Variants in RPS6KC1 observed in about 807,000 individuals in gnomAD.
The protein encoded by RPS6KC1 is inactive ribosomal protein S6 kinase delta-1.
RPS6KC1 carries 54 observed loss-of-function variants against 103.8 expected under a neutral mutation model. The ratio of observed to expected loss-of-function variants is 0.52; its 90% CI spans 0.42 to 0.65. The LOEUF is 0.65. RPS6KC1 is among the 30% of genes least tolerant of loss of function. RPS6KC1 has a pLI of 0.00. For synonymous variants in RPS6KC1, 439 were observed against 438.7 expected (o/e 1.00, Z -0.01); for missense variants, 1,151 against 1,253.8 (o/e 0.92, Z 1.24).
intron 6 of RPS6KC1, among the ~76,000 whole-genome samples, chr1:213,149,746 A>T (rs917460337): frequency 6.6e-6 from 1 of 152,154 alleles, no homozygotes; most frequent in Non-Finnish European, 1.5e-5. Context: ...AAGTGGGGTG[A>T]AGTCTCCAGC....
At chr1:213,421,261 G>A in the RPS6KC1 span, among the ~76,000 whole-genome samples, 15 of 152,006 alleles carry the variant, frequency 9.9e-5, no homozygotes, top group South Asian at 2.1e-3. Context: ...ACAGGTGCGC[G>A]CCACCATGCC....
At chr1:213,516,122 A>G in the RPS6KC1 span, among the ~76,000 whole-genome samples, 1 of 152,056 alleles carries the variant, frequency 6.6e-6, no homozygotes, top group Non-Finnish European at 1.5e-5. Flanking sequence ...GCTTAAGGAG[A>G]TTTTGGGCTG....
the RPS6KC1 span, among the ~76,000 whole-genome samples, chr1:213,764,495 T>G: frequency 6.6e-6 from 1 of 152,178 alleles, no homozygotes; most frequent in Non-Finnish European, 1.5e-5. Context: ...ACAGGTGAGA[T>G]GAAGTTCAGA....
At chr1:213,070,855 T>TTATA in intron 1 of RPS6KC1, 151 bp from the exon 2 acceptor site, 1 of 532,372 alleles carries the variant, frequency 1.9e-6, no homozygotes, top group South Asian at 2.5e-5. Flanking sequence ...AGTGAAGTTA[T>TTATA]TATATAGCTG....
the RPS6KC1 span, among the ~76,000 whole-genome samples, chr1:213,583,159 C>A: frequency 1.3e-5 from 2 of 152,174 alleles, no homozygotes; most frequent in African/African-American, 4.8e-5. Flanking sequence ...ATTCATTCAC[C>A]TGCTGATGGA....
the RPS6KC1 span, among the ~76,000 whole-genome samples, chr1:213,763,676 G>A: frequency 6.6e-6 from 1 of 152,286 alleles, no homozygotes; most frequent in East Asian, 1.9e-4. Context: ...TTGCTAGGAT[G>A]GTTTTTAAAA....
At chr1:213,721,616 A>T in the RPS6KC1 span, among the ~76,000 whole-genome samples, 33 of 152,274 alleles carry the variant, frequency 2.2e-4, no homozygotes, top group South Asian at 1.2e-3. Flanking sequence ...AAAACAGACT[A>T]ATATACCATG....
At chr1:213,496,017 G>A in the RPS6KC1 span, among the ~76,000 whole-genome samples, 1 of 151,852 alleles carries the variant, frequency 6.6e-6, no homozygotes, top group Non-Finnish European at 1.5e-5. Context: ...CTTAAATTAT[G>A]AGGAGCTCAA....
the RPS6KC1 span, among the ~76,000 whole-genome samples, chr1:213,675,868 C>A: frequency 9.3e-6 from 1 of 107,890 alleles, no homozygotes; most frequent in African/African-American, 3.6e-5. Flanking sequence ...CAGAGCAAGA[C>A]TCTGTCTGAA....
chr1:213,390,189 C>A, the RPS6KC1 span, among the ~76,000 whole-genome samples: 1 of 152,330 alleles, frequency 6.6e-6, no homozygotes, highest in East Asian at 1.9e-4. Context: ...ATCTCTCCCC[C>A]ACCCCAGTTA....
chr1:213,545,882 T>C, the RPS6KC1 span, among the ~76,000 whole-genome samples: 19 of 152,172 alleles, frequency 1.2e-4, 1 homozygote, highest in African/African-American at 4.6e-4. Flanking sequence ...CGGACAGCTC[T>C]GGGATGGGGG....
chr1:213,174,135 A>G (rs1330833943), intron 7 of RPS6KC1, among the ~76,000 whole-genome samples: 1 of 152,184 alleles, frequency 6.6e-6, no homozygotes, highest in Non-Finnish European at 1.5e-5. Flanking sequence ...AAGAGGCAGC[A>G]GCAGAAAAGA....
chr1:213,572,838 G>A, the RPS6KC1 span, among the ~76,000 whole-genome samples: 2 of 152,140 alleles, frequency 1.3e-5, no homozygotes, highest in Non-Finnish European at 2.9e-5. Flanking sequence ...AGGAAGTGTA[G>A]CAAATGTCTT....
At chr1:213,168,632 T>C (rs2091204485) in intron 7 of RPS6KC1, among the ~76,000 whole-genome samples, 1 of 151,272 alleles carries the variant, frequency 6.6e-6, no homozygotes. Flanking sequence ...TTTCTTTTCT[T>C]TTTTTTTTGA....
At chr1:213,695,157 G>A in the RPS6KC1 span, among the ~76,000 whole-genome samples, 11 of 152,296 alleles carry the variant, frequency 7.2e-5, no homozygotes, top group East Asian at 1.9e-4. Flanking sequence ...CAATAAATAC[G>A]CGTTGAACAG....
the RPS6KC1 span, among the ~76,000 whole-genome samples, chr1:213,355,746 G>A: frequency 1.4e-4 from 22 of 152,172 alleles, no homozygotes; most frequent in Admixed American, 5.2e-4. Flanking sequence ...TCAACTCAGC[G>A]GCAACACCTC....
the RPS6KC1 span, among the ~76,000 whole-genome samples, chr1:213,656,379 G>T: frequency 6.6e-6 from 1 of 152,214 alleles, no homozygotes; most frequent in Non-Finnish European, 1.5e-5. Context: ...GTAGAAAGAG[G>T]TGCCTAAAAC....
At chr1:213,396,107 T>C in the RPS6KC1 span, among the ~76,000 whole-genome samples, 1 of 152,098 alleles carries the variant, frequency 6.6e-6, no homozygotes, top group Non-Finnish European at 1.5e-5. Flanking sequence ...GACCATGCAG[T>C]GAGTTGGAGG....
chr1:213,558,165 A>G, the RPS6KC1 span, among the ~76,000 whole-genome samples: 1 of 152,222 alleles, frequency 6.6e-6, no homozygotes, highest in Non-Finnish European at 1.5e-5. Context: ...TGCATCAGCT[A>G]CGTAAGGGGC....
Sources: gnomAD v4.1 joint callset for allele counts (sites outside exome capture counted in the v4.1 genomes callset) on GRCh38, gnomAD v4.1.1 for gene constraint, MANE v1.5 for transcripts, NCBI Gene and HGNC (gene_info 2026-07-23, HGNC 2026-07-21) for gene names.